The following NELFA variants were observed in gnomAD, a reference collection of about 807,000 sequenced individuals.
NELFA encodes negative elongation factor A.
In NELFA, 35 loss-of-function variants were observed where a neutral mutation model predicts 51.8. That is an observed-to-expected ratio of 0.68 (90% CI 0.52 to 0.90). The LOEUF (loss-of-function observed/expected upper bound fraction) is 0.90. Ranked by LOEUF, NELFA falls within the 40% of genes least tolerant of loss-of-function variation. NELFA has a pLI of 0.00. For synonymous variants in NELFA, 417 were observed against 338.4 expected (o/e 1.23, Z -2.55); for missense variants, 658 against 746.4 (o/e 0.88, Z 1.38).
At chr4:2,002,155 G>A (rs559138737) in intron 1 of NELFA, among the ~76,000 whole-genome samples, 55 of 152,032 alleles carry the variant, frequency 3.6e-4, no homozygotes, top group East Asian at 3.5e-3. Context: ...AGCCAAGATC[G>A]CGCCACTGCA....
intron 4 of NELFA, 137 bp from the exon 5 acceptor site, chr4:1,986,539 G>A (rs1053093430): frequency 7.2e-7 from 1 of 1,387,738 alleles, no homozygotes; most frequent in Non-Finnish European, 9.8e-7. Context: ...CAGCGGGCAG[G>A]ACCCCCAGGA....
At chr4:1,993,676 G>A (rs367620695) in intron 1 of NELFA, among the ~76,000 whole-genome samples, 55 of 152,254 alleles carry the variant, frequency 3.6e-4, no homozygotes, top group Middle Eastern at 3.4e-3. Flanking sequence ...TCACGGTTCT[G>A]GAGGTGGGAA....
chr4:1,999,953 T>C (rs2109065565), intron 1 of NELFA, among the ~76,000 whole-genome samples: 1 of 152,284 alleles, frequency 6.6e-6, no homozygotes, highest in East Asian at 1.9e-4. Context: ...AAATTAGAAC[T>C]CAAGATTAAG....
chr4:1,992,400 T>C (rs758046019), intron 1 of NELFA: 2 of 355,680 alleles, frequency 5.6e-6, no homozygotes, highest in Non-Finnish European at 1.1e-5. Flanking sequence ...GCTCCCTCAA[T>C]ACCTGGGAGG....
At chr4:2,007,980 T>C (rs1432868438) in intron 1 of NELFA, 1 of 456,934 alleles carries the variant, frequency 2.2e-6, no homozygotes. Flanking sequence ...ACCCACTTAT[T>C]GGAATGACGC....
At chr4:2,005,687 C>T (rs1451638087) in intron 1 of NELFA, among the ~76,000 whole-genome samples, 2 of 151,798 alleles carry the variant, frequency 1.3e-5, no homozygotes, top group African/African-American at 2.4e-5. Flanking sequence ...GTGAGATCTC[C>T]GTCTAAAAAA....
At chr4:1,990,088 G>T (rs980599806) in intron 2 of NELFA, 4 of 587,140 alleles carry the variant, frequency 6.8e-6, no homozygotes, top group Non-Finnish European at 1.2e-5. Flanking sequence ...GGCATGCCTT[G>T]AGAGGGCTGT....
intron 1 of NELFA, 36 bp downstream of exon 1, chr4:2,008,714 G>C: frequency 1.3e-6 from 2 of 1,574,186 alleles, no homozygotes; most frequent in Non-Finnish European, 1.7e-6. Flanking sequence ...GGAAGGTTGG[G>C]AATCTGGGGG....
rs951875125 is a variant in NELFA, at chr4:1,992,517, T to A, written c.211-802A>T. On this transcript the variant is annotated intron_variant, in intron 1 of 10. Coordinates refer to ENST00000382882, the MANE Select transcript of NELFA (RefSeq NM_005663.5). ...GCCTGTGCCTCTGCCATGCGCCCAC[T>A]GGGCTGCTCACAGTGTGAGACAGCT... 11 of 416,470 alleles carry A rather than the reference T, an allele frequency of 2.6e-5. No individual in the cohort carries two copies. In the East Asian group the frequency reaches 1.0e-3, roughly 39 times the overall value. 25.8% of individuals were successfully genotyped at this position (416,470 alleles called of 1,614,324 possible). A position where few individuals can be genotyped will look rare whatever the true frequency, so the allele number is the denominator to read the frequency against.
chr4:2,006,283 C>T (rs937436269), intron 1 of NELFA, among the ~76,000 whole-genome samples: 1 of 152,192 alleles, frequency 6.6e-6, no homozygotes, highest in Non-Finnish European at 1.5e-5. Flanking sequence ...AAATTAGACT[C>T]CCTGCTTCAC....
Position 1,986,163 on chromosome 4 carries a change from C to T in NELFA, c.786G>A (p.Leu262=), listed in dbSNP as rs1393961292. 6.4e-6 allele frequency: 10 copies of T among 1,557,622 alleles called. No homozygotes were observed. In the Admixed American group the frequency reaches 9.7e-5, roughly 15 times the overall value. The part of the protein sequence containing the change: ...RGVKLLDISE[L]DMVGAGREAK... ...CCTCTCGGCCAGCGCCAACCATATC[C>T]AGCTCAGAGATGTCCAGCAGCTGCC... Residue 262 remains leucine, a synonymous_variant, in exon 6 of 11, where the codon CTG becomes CTA. Transcript: ENST00000382882.
rs911186731 is a variant in NELFA at position 1,989,206 on chromosome 4, A to G, written c.544+502T>C. ...GGTGATCTGCTGGCCTCAGCCTCCC[A>G]AAGTGCTGGGTTTACAGGTGTGAGC... On this transcript the variant is annotated intron_variant, in intron 3 of 10. Transcript: ENST00000382882. This position sits in a 1 kb window ranked among gnomAD's most constrained non-coding sequence, Gnocchi z 4.8. 4.6e-5 allele frequency among the ~76,000 whole-genome samples: 7 copies of G among 152,190 alleles called. No homozygotes were observed. The highest frequency in any genetic ancestry group is 1.7e-4 in the African/African-American group (7 of 41,448).
In NELFA at chr4:2,008,614, G is replaced by A. The variant is rs552283746; in HGVS notation, c.210+136C>T. ...AGGAGCGAGGAGGGGGCGTGAGGGC[G>A]GGCCGGGGGGGTTAACAGTCTGAAG... is the stretch of plus-strand genomic sequence containing the variant. On this transcript the variant is annotated intron_variant, in intron 1 of 10. Coordinates refer to ENST00000382882, the MANE Select transcript of NELFA (RefSeq NM_005663.5). 2.4e-4 allele frequency: 240 copies of A among 1,007,652 alleles called. No individual in the cohort carries two copies. In the African/African-American group the frequency reaches 3.8e-3, roughly 16 times the overall value. The allele number at this position is 1,007,652 out of a possible 1,614,324, so 62.4% of individuals were successfully genotyped here. A position where few individuals can be genotyped will look rare whatever the true frequency, so the allele number is the denominator to read the frequency against.
chr4:2,007,986 G>A (rs537931456), intron 1 of NELFA: 70 of 457,052 alleles, frequency 1.5e-4, no homozygotes, highest in South Asian at 1.0e-3. Context: ...TTATTGGAAT[G>A]ACGCAAAACG....
At chr4:2,002,404 A>C (rs1728606207) in intron 1 of NELFA, among the ~76,000 whole-genome samples, 1 of 152,214 alleles carries the variant, frequency 6.6e-6, no homozygotes, top group South Asian at 2.1e-4. Context: ...ATGGAATCAA[A>C]GAAGATCCCA....
At position 1,983,505 on chromosome 4, in the gene NELFA, T is replaced by TGCA; in HGVS notation, c.1403-5_1403-3dup. The TGCA allele has an allele frequency of 6.2e-7, 1 of 1,613,856 alleles. No individual in the cohort carries two copies. Among genetic ancestry groups the TGCA allele is most frequent in the Non-Finnish European group, 8.5e-7 (1 of 1,179,910 alleles). ...CCCCCTGCTCCTGGCACGGGTTCTC[T>TGCA]GCAGAGAGCAGGAGCTGCTGGGTGG... On this transcript the variant is annotated splice_polypyrimidine_tract_variant and splice_region_variant and intron_variant, in intron 10 of 10. Coordinates refer to ENST00000382882, the MANE Select transcript of NELFA (RefSeq NM_005663.5).
At chr4:2,007,696 G>C (rs999491051) in intron 1 of NELFA, among the ~76,000 whole-genome samples, 2 of 152,192 alleles carry the variant, frequency 1.3e-5, no homozygotes, top group African/African-American at 4.8e-5. Context: ...GGCTTCCAAG[G>C]AACAGGCATG....
At chr4:1,985,898 G>T in intron 6 of NELFA, 34 bp from the exon 7 acceptor site, 1 of 1,555,880 alleles carries the variant, frequency 6.4e-7, no homozygotes, top group Non-Finnish European at 8.8e-7. Flanking sequence ...GCCAGTGCCC[G>T]GGCGCGTCTG....
chr4:2,008,906 C>T lies in NELFA; in HGVS notation c.54G>A (p.Gly18=), dbSNP rs772671057. ...DTGLWLHNKL[G]ATDELWAPPS... ...GCGGCGCCCACAGCTCGTCCGTGGC[C>T]CCCAGCTTGTTGTGCAGCCACAGGC... The change falls in exon 1 of 11, where the codon GGG becomes GGA. Residue 18 remains glycine (G), a synonymous_variant. Transcript: ENST00000382882. The T allele has an allele frequency of 6.3e-7, 1 of 1,582,842 alleles. No individual in the cohort carries two copies. Among genetic ancestry groups the T allele is most frequent in the African/African-American group, 1.3e-5 (1 of 74,708 alleles).
Sources: allele counts gnomAD v4.1 joint callset (sites outside exome capture counted in the v4.1 genomes callset), GRCh38; gene constraint gnomAD v4.1.1; non-coding constraint Gnocchi (gnomAD v3.1); transcripts MANE v1.5; gene names NCBI Gene and HGNC (gene_info 2026-07-23, HGNC 2026-07-21).